The following KYNU variants were observed in gnomAD, a reference collection of about 807,000 sequenced individuals.
The protein encoded by KYNU is L-kynurenine hydrolase.
A neutral mutation model predicts 59.2 loss-of-function variants in KYNU; 54 were observed. The observed-to-expected ratio is 0.91, with a 90% CI of 0.73 to 1.14. KYNU has a LOEUF of 1.14. KYNU is among the 50% of genes most tolerant of loss of function. The pLI, the probability that KYNU is intolerant of heterozygous loss-of-function variation, is 0.00. For synonymous variants in KYNU, 177 were observed against 192.0 expected (o/e 0.92, Z 0.65); for missense variants, 567 against 554.4 (o/e 1.02, Z -0.23).
At position 142,962,597 on chromosome 2, in the gene KYNU, T is replaced by A. The variant is rs548522332; in HGVS notation, c.729+1827T>A. Among the ~76,000 whole-genome samples, 11 of 152,320 alleles carry A rather than the reference T, an allele frequency of 7.2e-5. No homozygotes were observed. In the East Asian group the frequency reaches 1.7e-3, roughly 24 times the overall value. On this transcript the variant is annotated intron_variant, in intron 8 of 13. Coordinates refer to ENST00000264170, the MANE Select transcript of KYNU (RefSeq NM_003937.3). The stretch of plus-strand genomic sequence containing the variant: ...TTGCTAAAGCCATTTGTTAAATGTT[T>A]TGCAGGTTTTCTTTAACTTAAAAAA...
At chr2:142,883,411 G>T (rs145072707) in intron 1 of KYNU, among the ~76,000 whole-genome samples, 1,842 of 151,888 alleles carry the variant, frequency 0.012, 42 homozygotes, top group African/African-American at 0.042. Flanking sequence ...TGTTAGCCAG[G>T]ACGGTCTTGA....
rs1558990248 is a variant in KYNU, at chr2:143,042,630, A to ATATG, written c.*459_*460insATGT. On this transcript the variant is annotated 3_prime_UTR_variant, in exon 14 of 14. Transcript: ENST00000264170. ...TATATATATATATATATATATATAT[A>ATATG]TGTGTGTGTGTGTGTGTGTATATAT... The ATATG allele has an allele frequency of 5.9e-5, 7 of 118,100 alleles. No homozygotes were observed. The highest frequency in any genetic ancestry group is 2.4e-4 in the East Asian group (1 of 4,214). 7.3% of individuals were successfully genotyped at this position (118,100 alleles called of 1,614,324 possible). A position where few individuals can be genotyped will look rare whatever the true frequency, so the allele number is the denominator to read the frequency against.
chr2:142,924,855 T>A (rs1223098226), intron 3 of KYNU, among the ~76,000 whole-genome samples: 3 of 152,214 alleles, frequency 2.0e-5, no homozygotes, highest in Non-Finnish European at 4.4e-5. Flanking sequence ...ATCAACTCTT[T>A]CTAATGACAG....
intron 3 of KYNU, among the ~76,000 whole-genome samples, chr2:142,922,756 A>G (rs1682923848): frequency 6.6e-6 from 1 of 152,230 alleles, no homozygotes; most frequent in African/African-American, 2.4e-5. Context: ...TAAGGCTACC[A>G]TCTTTGATTT....
intron 8 of KYNU, among the ~76,000 whole-genome samples, chr2:142,981,421 A>C (rs952243704): frequency 2.0e-5 from 3 of 152,070 alleles, no homozygotes; most frequent in Non-Finnish European, 4.4e-5. Flanking sequence ...TTTTTTCCCC[A>C]TATGGAATTT....
chr2:142,997,419 C>T (rs575822456), intron 10 of KYNU, among the ~76,000 whole-genome samples: 1 of 152,136 alleles, frequency 6.6e-6, no homozygotes, highest in Non-Finnish European at 1.5e-5. Context: ...CTGTACCCAG[C>T]ATGTTCCATG....
intron 10 of KYNU, among the ~76,000 whole-genome samples, chr2:143,016,373 T>G (rs550493686): frequency 6.6e-6 from 1 of 152,364 alleles, no homozygotes; most frequent in East Asian, 1.9e-4. Flanking sequence ...TCTAATAGGA[T>G]TATAAAATTC....
intron 10 of KYNU, among the ~76,000 whole-genome samples, chr2:142,986,310 A>T (rs943055187): frequency 6.6e-6 from 1 of 151,366 alleles, no homozygotes; most frequent in Non-Finnish European, 1.5e-5. Flanking sequence ...CCACTTGAAT[A>T]TTTTTTTTCA....
intron 10 of KYNU, among the ~76,000 whole-genome samples, chr2:143,018,036 A>G (rs917381042): frequency 6.6e-6 from 1 of 152,186 alleles, no homozygotes; most frequent in African/African-American, 2.4e-5. Context: ...GATTCTGGAT[A>G]TTAGAACTTT....
In KYNU at chr2:143,055,655, G is replaced by A. The variant is rs1333231914; in HGVS notation, c.*13483G>A. 1 of 151,890 alleles carries A rather than the reference G, an allele frequency of 6.6e-6. No homozygotes were observed. The highest frequency in any genetic ancestry group is 1.5e-5 in the Non-Finnish European group (1 of 67,938). 9.4% of individuals were successfully genotyped at this position (151,890 alleles called of 1,614,324 possible). On this transcript the variant is annotated 3_prime_UTR_variant, in exon 14 of 14. Coordinates refer to ENST00000264170, the MANE Select transcript of KYNU (RefSeq NM_003937.3). ...CACAGGAAGGAAGGAAGGAAGGAAG[G>A]AAGGAAGGAAGGAAGGAAGGAAGGA... is the stretch of plus-strand genomic sequence containing the variant.
chr2:143,042,583 GATATATATATATATAT>G lies in KYNU; in HGVS notation c.*444_*459del, dbSNP rs10528472. On this transcript the variant is annotated 3_prime_UTR_variant, in exon 14 of 14. Coordinates refer to ENST00000264170, the MANE Select transcript of KYNU (RefSeq NM_003937.3). ...GAGTTTCTTTGAAGCATTGTAGTCT[GATATATATATATATAT>G]ATATATATATATATATATATATATA... The G allele has an allele frequency of 4.9e-3, 675 of 136,480 alleles. 6 individuals carry two copies. The highest frequency in any genetic ancestry group is 0.014 in the African/African-American group (475 of 32,932). 8.5% of individuals were successfully genotyped at this position (136,480 alleles called of 1,614,324 possible). A position where few individuals can be genotyped will look rare whatever the true frequency, so the allele number is the denominator to read the frequency against.
Position 142,892,039 on chromosome 2 carries a change from A to G in KYNU, c.169+6503A>G, listed in dbSNP as rs571118252. ...AGAATCCTCCCTCCTCAGCCCCCCAATTAGGTGGGACTACAGATGCATACC... is the reference window on the plus strand; with the variant it reads ...AGAATCCTCCCTCCTCAGCCCCCCAGTTAGGTGGGACTACAGATGCATACC... On this transcript the variant is annotated intron_variant, in intron 2 of 13. Coordinates refer to ENST00000264170, the MANE Select transcript of KYNU (RefSeq NM_003937.3). Among the ~76,000 whole-genome samples, 6 of 152,104 alleles carry G rather than the reference A, an allele frequency of 3.9e-5. No homozygotes were observed. The South Asian group carries it at 1.0e-3, about 26-fold the overall frequency.
At chr2:142,983,632 A>G (rs1573869240) in intron 8 of KYNU, among the ~76,000 whole-genome samples, 1 of 152,204 alleles carries the variant, frequency 6.6e-6, no homozygotes. Flanking sequence ...AACTTTTTAG[A>G]AAAGGAAACC....
At position 143,047,463 on chromosome 2, in the gene KYNU, G is replaced by T. The variant is rs1171051754; in HGVS notation, c.*5291G>T. 1.3e-5 allele frequency: 2 copies of T among 152,026 alleles called. No individual in the cohort carries two copies. Among genetic ancestry groups the T allele is most frequent in the Admixed American group, 1.3e-4 (2 of 15,236 alleles). The allele number at this position is 152,026 out of a possible 1,614,324, so 9.4% of individuals were successfully genotyped here. ...CAATTGGTATCTATTTTTAATATGGGAAATTTTATGCAAATGAGCACATTT... is the reference window on the plus strand; with the variant it reads ...CAATTGGTATCTATTTTTAATATGGTAAATTTTATGCAAATGAGCACATTT... On this transcript the variant is annotated 3_prime_UTR_variant, in exon 14 of 14. Transcript: ENST00000264170.
In KYNU at chr2:143,034,464, G is replaced by A. The variant is rs371584888; in HGVS notation, c.1041+1143G>A. ...AGTTTCTCATTCTGGCCACTGGATG[G>A]CAGCATCAAGTTCCTCTGTTTTTAT... On this transcript the variant is annotated intron_variant, in intron 12 of 13. Coordinates refer to ENST00000264170, the MANE Select transcript of KYNU (RefSeq NM_003937.3). Among the ~76,000 whole-genome samples, 119 of 152,224 alleles carry A rather than the reference G, an allele frequency of 7.8e-4. 1 individual carries two copies. The highest frequency in any genetic ancestry group is 2.5e-3 in the African/African-American group (102 of 41,534).
At chr2:142,947,398 C>T (rs368645462) in intron 4 of KYNU, 9 of 644,062 alleles carry the variant, frequency 1.4e-5, no homozygotes, top group South Asian at 4.8e-5. Context: ...TTGAAGACAT[C>T]GGAATAAAAG....
At chr2:142,988,865 A>C (rs1478556605) in intron 10 of KYNU, 1 of 1,608,486 alleles carries the variant, frequency 6.2e-7, no homozygotes, top group South Asian at 1.1e-5. Flanking sequence ...TTCTTTAATT[A>C]GGAATGGAAT....
chr2:142,923,900 T>C (rs1682966899), intron 3 of KYNU, among the ~76,000 whole-genome samples: 1 of 152,226 alleles, frequency 6.6e-6, no homozygotes, highest in Admixed American at 6.5e-5. Flanking sequence ...GAGTTTACTT[T>C]ACATGGCAGT....
At chr2:142,941,070 G>A (rs1213883411) in intron 4 of KYNU, among the ~76,000 whole-genome samples, 2 of 152,120 alleles carry the variant, frequency 1.3e-5, no homozygotes, top group Non-Finnish European at 2.9e-5. Context: ...TTTTTATAAA[G>A]CTCAATCCCA....
Sources: allele counts gnomAD v4.1 joint callset (sites outside exome capture counted in the v4.1 genomes callset), GRCh38; gene constraint gnomAD v4.1.1; transcripts MANE v1.5; gene names NCBI Gene and HGNC (gene_info 2026-07-23, HGNC 2026-07-21).